Variants in AGO3 observed in about 807,000 individuals in gnomAD.
AGO3 encodes the protein argonaute RISC catalytic component 3.
Under a neutral mutation model 105.5 loss-of-function variants are expected in AGO3, and 16 were observed. The observed-to-expected ratio is 0.15, with a 90% CI of 0.10 to 0.23. The LOEUF (loss-of-function observed/expected upper bound fraction) is 0.23. Among genes scored for constraint, AGO3 ranks in the 10% least tolerant of loss-of-function variants. The pLI, the probability that AGO3 is intolerant of heterozygous loss-of-function variation, is 1.00. For synonymous variants in AGO3, 340 were observed against 367.3 expected (o/e 0.93, Z 0.85); for missense variants, 534 against 1,088.0 (o/e 0.49, Z 7.16).
intron 3 of AGO3, among the ~76,000 whole-genome samples, chr1:35,969,660 A>G (rs1646832391): frequency 6.6e-6 from 1 of 152,174 alleles, no homozygotes; most frequent in Non-Finnish European, 1.5e-5. Flanking sequence ...ACCTAAAACA[A>G]TGGGGATATG....
At chr1:36,048,266 G>A (rs1018386354) in intron 17 of AGO3, among the ~76,000 whole-genome samples, 3 of 151,712 alleles carry the variant, frequency 2.0e-5, no homozygotes, top group East Asian at 3.9e-4. Flanking sequence ...CCTGGGCAAC[G>A]GAGTGAGACC....
chr1:36,069,015 C>T lies in AGO3; in HGVS notation c.*13270C>T, dbSNP rs1643128690. Reference sequence around the variant, plus strand: ...GGTCTCCCACTGATTTGCTCCGTGTCCTTAGGCAATTCGTTTAATCTCTGT... The same window carrying T: ...GGTCTCCCACTGATTTGCTCCGTGTTCTTAGGCAATTCGTTTAATCTCTGT... On this transcript the variant is annotated 3_prime_UTR_variant, in exon 19 of 19. Coordinates refer to ENST00000373191, the MANE Select transcript of AGO3 (RefSeq NM_024852.4). 6.6e-6 allele frequency: 1 copy of T among 152,184 alleles called. No individual in the cohort carries two copies. The highest frequency in any genetic ancestry group is 1.5e-5 in the Non-Finnish European group (1 of 68,046). The allele number at this position is 152,184 out of a possible 1,614,324, so 9.4% of individuals were successfully genotyped here. A position where few individuals can be genotyped will look rare whatever the true frequency, so the allele number is the denominator to read the frequency against.
chr1:35,950,963 T>G (rs185035303), intron 2 of AGO3, among the ~76,000 whole-genome samples: 108 of 152,240 alleles, frequency 7.1e-4, no homozygotes, highest in Non-Finnish European at 1.3e-3. Flanking sequence ...TTTATTTTAT[T>G]TATTTATTTT....
Position 36,004,134 on chromosome 1 carries a change from T to C in AGO3, c.659-207T>C, listed in dbSNP as rs954706817. 71 of 437,216 alleles carry C rather than the reference T, an allele frequency of 1.6e-4. No individual in the cohort carries two copies. In the East Asian group the frequency reaches 2.3e-3, roughly 14 times the overall value. 27.1% of individuals were successfully genotyped at this position (437,216 alleles called of 1,614,324 possible). A position where few individuals can be genotyped will look rare whatever the true frequency, so the allele number is the denominator to read the frequency against. On this transcript the variant is annotated intron_variant, in intron 5 of 18. Coordinates refer to ENST00000373191, the MANE Select transcript of AGO3 (RefSeq NM_024852.4). ...AATCAGTTACTTACGATGAAAGAGA[T>C]AGATTATAAAAACTGTAGTATTTGG... is the stretch of plus-strand genomic sequence containing the variant.
In AGO3 at chr1:36,072,317, C is replaced by G. The variant is rs756963161; in HGVS notation, c.*16572C>G. On this transcript the variant is annotated 3_prime_UTR_variant, in exon 19 of 19. Transcript: ENST00000373191. ...TGATTCTTTCTGAGCCAAACTGTCA[C>G]GAAATGTTCTGTGACAGAACCACTA... 1.3e-5 allele frequency: 2 copies of G among 152,182 alleles called. No homozygotes were observed. The highest frequency in any genetic ancestry group is 2.4e-5 in the African/African-American group (1 of 41,442). 9.4% of individuals were successfully genotyped at this position (152,182 alleles called of 1,614,324 possible).
intron 5 of AGO3, among the ~76,000 whole-genome samples, chr1:35,989,468 C>G (rs1647412464): frequency 6.6e-6 from 1 of 152,170 alleles, no homozygotes; most frequent in African/African-American, 2.4e-5. Flanking sequence ...ACTGGTGCAG[C>G]TTACCATCAA....
At chr1:36,006,208 G>T (rs1291455699) in intron 6 of AGO3, among the ~76,000 whole-genome samples, 1 of 151,630 alleles carries the variant, frequency 6.6e-6, no homozygotes, top group East Asian at 1.9e-4. Context: ...GTATCTATGG[G>T]TTTTTTAGCT....
rs769402335 is a variant in AGO3, at chr1:36,047,448, GA to G, written c.2274+3910del. Among the ~76,000 whole-genome samples, 193 of 145,782 alleles carry G rather than the reference GA, an allele frequency of 1.3e-3. 1 individual carries two copies. Among genetic ancestry groups the G allele is most frequent in the African/African-American group, 4.5e-3 (177 of 39,718 alleles). ...TCATTTGAAAAAAAAATCGGAGTCA[GA>G]AAAAAAAAAGAAGTAAGAATGAAAA... On this transcript the variant is annotated intron_variant, in intron 17 of 18. Transcript: ENST00000373191.
At chr1:36,015,461 G>A (rs965460656) in intron 11 of AGO3, among the ~76,000 whole-genome samples, 3 of 152,058 alleles carry the variant, frequency 2.0e-5, no homozygotes, top group Non-Finnish European at 4.4e-5. Flanking sequence ...CTTAACCTTC[G>A]GCCCCTTTCG....
At chr1:35,966,817 T>G in intron 2 of AGO3, 138 bp from the exon 3 acceptor site, 1 of 1,066,024 alleles carries the variant, frequency 9.4e-7, no homozygotes, top group Non-Finnish European at 1.3e-6. Context: ...GCCAAGATTC[T>G]AAAAGCAAAA....
chr1:36,032,219 G>T (rs2148840345), intron 12 of AGO3, among the ~76,000 whole-genome samples: 1 of 152,206 alleles, frequency 6.6e-6, no homozygotes, highest in African/African-American at 2.4e-5. Context: ...CCCAATGTTT[G>T]TTATTCTCTG....
At chr1:36,036,346 A>G in intron 14 of AGO3, 79 bp downstream of exon 14, 4 of 1,324,244 alleles carry the variant, frequency 3.0e-6, no homozygotes, top group Non-Finnish European at 4.3e-6. Context: ...TTGAATTTTA[A>G]TATTTTCTTT....
At chr1:35,939,696 A>G (rs1350768824) in intron 1 of AGO3, among the ~76,000 whole-genome samples, 1 of 152,104 alleles carries the variant, frequency 6.6e-6, no homozygotes. Context: ...GTACAATGGG[A>G]TAGTAAGAAG....
intron 2 of AGO3, among the ~76,000 whole-genome samples, chr1:35,952,080 C>T (rs1247176304): frequency 6.6e-6 from 1 of 151,532 alleles, no homozygotes; most frequent in African/African-American, 2.4e-5. Flanking sequence ...AATCTACTTT[C>T]TTTCTCTGTA....
intron 12 of AGO3, among the ~76,000 whole-genome samples, chr1:36,028,391 TCCC>T (rs771926822): frequency 1.2e-4 from 7 of 57,176 alleles, no homozygotes; most frequent in Non-Finnish European, 1.6e-4. Flanking sequence ...ATGCTATCCC[TCCC>T]CCCCCCCCAC....
rs985274452 is a variant in AGO3, at chr1:35,959,890, ATAT to A, written c.192-7058_192-7056del. On this transcript the variant is annotated intron_variant, in intron 2 of 18. Coordinates refer to ENST00000373191, the MANE Select transcript of AGO3 (RefSeq NM_024852.4). The stretch of plus-strand genomic sequence containing the variant: ...ATTATGCTTAAATTTTAATATAAAA[ATAT>A]TATTATACATATTTGTTTTTTTAAT... 8.8e-4 allele frequency among the ~76,000 whole-genome samples: 134 copies of A among 152,082 alleles called. 1 individual carries two copies. Among genetic ancestry groups the A allele is most frequent in the Middle Eastern group, 3.5e-3 (1 of 288 alleles).
At chr1:36,015,002 C>T (rs1350188163) in intron 11 of AGO3, among the ~76,000 whole-genome samples, 1 of 152,054 alleles carries the variant, frequency 6.6e-6, no homozygotes, top group Non-Finnish European at 1.5e-5. Context: ...ATCAGTTCTG[C>T]AGTGGACACC....
rs190832899 is a variant in AGO3 at position 36,017,993 on chromosome 1, C to G, written c.1406+3945C>G. ...GCCTCCTGGCACTATTCTCTTTAAC[C>G]TGTATTGACAATGTTCTCTTTTTTT... On this transcript the variant is annotated intron_variant, in intron 11 of 18. Coordinates refer to ENST00000373191, the MANE Select transcript of AGO3 (RefSeq NM_024852.4). 6.7e-4 allele frequency among the ~76,000 whole-genome samples: 101 copies of G among 151,624 alleles called. 1 individual carries two copies. Among genetic ancestry groups the G allele is most frequent in the African/African-American group, 2.3e-3 (95 of 41,392 alleles).
chr1:36,032,177 G>A lies in AGO3; in HGVS notation c.1592-1997G>A, dbSNP rs1216873745. ...ACCATTTTACATGCCCACCAACAGC[G>A]CACAGGAGTTCCAGTTTCTCCACAT... On this transcript the variant is annotated intron_variant, in intron 12 of 18. Coordinates refer to ENST00000373191, the MANE Select transcript of AGO3 (RefSeq NM_024852.4). Among the ~76,000 whole-genome samples, 9 of 152,144 alleles carry A rather than the reference G, an allele frequency of 5.9e-5. 1 individual carries two copies. The highest frequency in any genetic ancestry group is 1.4e-4 in the African/African-American group (6 of 41,526).
Sources: allele counts gnomAD v4.1 joint callset (sites outside exome capture counted in the v4.1 genomes callset), GRCh38; gene constraint gnomAD v4.1.1; transcripts MANE v1.5; gene names NCBI Gene and HGNC (gene_info 2026-07-23, HGNC 2026-07-21).